UBE3C: variants seen among roughly 807,000 people sequenced by gnomAD.
UBE3C encodes the protein ubiquitin-protein ligase E3C.
UBE3C carries 42 observed loss-of-function variants against 129.4 expected under a neutral mutation model. That is an observed-to-expected ratio of 0.32 (90% CI 0.25 to 0.42). UBE3C has a LOEUF of 0.42. Among genes scored for constraint, UBE3C ranks in the 10% least tolerant of loss-of-function variants. The probability of loss-of-function intolerance (pLI) is 1.00; values close to 1 mark genes in which losing one functional copy is unlikely to be tolerated. For missense variants in UBE3C, 1,049 were observed against 1,319.1 expected, an observed-to-expected ratio of 0.80 and a Z score of 3.17; for synonymous variants, 510 against 492.4, an observed-to-expected ratio of 1.04 and a Z score of -0.47.
intron 18 of UBE3C, among the ~76,000 whole-genome samples, chr7:157,233,421 G>A (rs1158576224): frequency 5.3e-5 from 8 of 152,082 alleles, no homozygotes; most frequent in African/African-American, 1.9e-4. Context: ...TGGGACCACC[G>A]TTGCTTGCTA....
At chr7:157,203,675 C>A (rs369821950) in intron 11 of UBE3C, among the ~76,000 whole-genome samples, 2 of 152,142 alleles carry the variant, frequency 1.3e-5, no homozygotes, top group South Asian at 4.1e-4. Context: ...ATTATTAATA[C>A]TATTTTATGA....
chr7:157,152,760 C>A (rs918200467), intron 1 of UBE3C, among the ~76,000 whole-genome samples: 4 of 152,174 alleles, frequency 2.6e-5, no homozygotes, highest in Non-Finnish European at 5.9e-5. Flanking sequence ...GCCGGCACAT[C>A]TTGCTTCTGT....
chr7:157,261,306 GAAAAAAAAAAAAAAAAA>G (rs57114090), intron 22 of UBE3C, among the ~76,000 whole-genome samples: 16 of 78,032 alleles, frequency 2.1e-4, no homozygotes, highest in East Asian at 1.0e-3. Context: ...AACTCTGTCT[GAAAAAAAAAAAAAAAAA>G]AAAAAAAAAA....
chr7:157,220,897 G>GTGA, intron 15 of UBE3C, 121 bp downstream of exon 15: 1 of 1,198,900 alleles, frequency 8.3e-7, no homozygotes, highest in Non-Finnish European at 1.1e-6. Context: ...CCCAGCAGGA[G>GTGA]CTACCATGTA....
At chr7:157,189,169 C>T (rs1287923647) in intron 10 of UBE3C, 3 of 390,162 alleles carry the variant, frequency 7.7e-6, no homozygotes, top group African/African-American at 2.1e-5. Flanking sequence ...CTGAATATGC[C>T]GAGGAAGCTG....
intron 1 of UBE3C, among the ~76,000 whole-genome samples, chr7:157,160,313 G>A (rs971918866): frequency 1.6e-4 from 25 of 152,122 alleles, no homozygotes; most frequent in African/African-American, 4.8e-4. Flanking sequence ...GACCTCAGGC[G>A]ATCTGCCGGC....
At position 157,231,288 on chromosome 7, in the gene UBE3C, T is replaced by C. The variant is rs550084774; in HGVS notation, c.2442T>C (p.Phe814=). 40 of 1,614,162 alleles carry C rather than the reference T, an allele frequency of 2.5e-5. No homozygotes were observed. The South Asian group carries it at 4.0e-4, about 16-fold the overall frequency. The change falls in exon 18 of 23, where the codon TTT becomes TTC. Residue 814 remains phenylalanine (F), a synonymous_variant. Transcript: ENST00000348165. ...CTCAGATGCTTGTGGGAGATTCTTTTGCCAGACATTACTACTTCCTAGGCA... is the reference window on the plus strand; with the variant it reads ...CTCAGATGCTTGTGGGAGATTCTTTCGCCAGACATTACTACTTCCTAGGCA... ...PAAQMLVGDS[F]ARHYYFLGRM...
At chr7:157,240,960 A>G (rs139023962) in intron 18 of UBE3C, among the ~76,000 whole-genome samples, 3 of 152,312 alleles carry the variant, frequency 2.0e-5, no homozygotes, top group East Asian at 3.9e-4. Flanking sequence ...AAAATCTTGA[A>G]TTAAGGGGCA....
chr7:157,240,921 C>T (rs1280986193), intron 18 of UBE3C, among the ~76,000 whole-genome samples: 1 of 152,194 alleles, frequency 6.6e-6, no homozygotes, highest in South Asian at 2.1e-4. Flanking sequence ...CAAAAATTAT[C>T]ACCAGAGTGT....
chr7:157,169,388 T>C (rs966043501), intron 3 of UBE3C, among the ~76,000 whole-genome samples: 1 of 151,574 alleles, frequency 6.6e-6, no homozygotes, highest in African/African-American at 2.4e-5. Flanking sequence ...TTTTTTTTTT[T>C]AAATTGAGAC....
intron 17 of UBE3C, among the ~76,000 whole-genome samples, chr7:157,228,458 C>T (rs1795936343): frequency 6.6e-6 from 1 of 152,246 alleles, no homozygotes; most frequent in South Asian, 2.1e-4. Context: ...TGAGGCACAG[C>T]TGGCTCTGCA....
chr7:157,192,905 G>T, intron 10 of UBE3C: 2 of 714,542 alleles, frequency 2.8e-6, no homozygotes, highest in East Asian at 2.5e-5. Context: ...AGACATTTGA[G>T]GTAGTGAATG....
chr7:157,232,351 AGTTT>A (rs371024243), intron 18 of UBE3C, among the ~76,000 whole-genome samples: 13 of 152,076 alleles, frequency 8.5e-5, no homozygotes, highest in South Asian at 6.2e-4. Flanking sequence ...AATTGTTATT[AGTTT>A]GTTTGTTTGT....
chr7:157,248,304 T>C (rs945777888), intron 18 of UBE3C, 64 bp from the exon 19 acceptor site: 4 of 1,434,486 alleles, frequency 2.8e-6, no homozygotes, highest in Admixed American at 1.9e-5. Flanking sequence ...GTTGAGCATA[T>C]GGCTCTTTGT....
chr7:157,259,405 G>T (rs773590942), intron 22 of UBE3C, among the ~76,000 whole-genome samples: 2 of 152,194 alleles, frequency 1.3e-5, no homozygotes, highest in African/African-American at 4.8e-5. Flanking sequence ...CAGCCCCACC[G>T]TTGGGAGTGT....
At chr7:157,163,894 A>G (rs1269034368) in intron 2 of UBE3C, 31 bp downstream of exon 2, 9 of 1,605,268 alleles carry the variant, frequency 5.6e-6, no homozygotes, top group Admixed American at 1.7e-5. Context: ...CTCTGTAGAT[A>G]AGCATTTTTT....
In UBE3C at chr7:157,165,918, T is replaced by G. The variant is rs181206294; in HGVS notation, c.120+2055T>G. ...TTTTAATCTGATGGGGTTTCCTTTA[T>G]AGGTGACTAGCTGCTTTTCTTTTGA... On this transcript the variant is annotated intron_variant, in intron 2 of 22. Transcript: ENST00000348165. 3.9e-5 allele frequency among the ~76,000 whole-genome samples: 6 copies of G among 152,344 alleles called. No homozygotes were observed. In the East Asian group the frequency reaches 1.2e-3, roughly 29 times the overall value.
chr7:157,142,369 A>G (rs1807477900), intron 1 of UBE3C, among the ~76,000 whole-genome samples: 1 of 123,796 alleles, frequency 8.1e-6, no homozygotes, highest in Non-Finnish European at 1.8e-5. Flanking sequence ...TCTGTGTACG[A>G]CAAGTCTGAC....
At chr7:157,166,971 C>G (rs1486042266) in intron 2 of UBE3C, among the ~76,000 whole-genome samples, 1 of 151,856 alleles carries the variant, frequency 6.6e-6, no homozygotes, top group East Asian at 1.9e-4. Context: ...GCTCTGTCAC[C>G]CAGGCTGGAG....
Sources: gnomAD v4.1 joint callset for allele counts (sites outside exome capture counted in the v4.1 genomes callset) on GRCh38, gnomAD v4.1.1 for gene constraint, MANE v1.5 for transcripts, NCBI Gene and HGNC (gene_info 2026-07-23, HGNC 2026-07-21) for gene names.